SORCS3: variants seen among roughly 807,000 people sequenced by gnomAD.
SORCS3 encodes the protein VPS10 domain-containing receptor SorCS3.
SORCS3 carries 57 observed loss-of-function variants against 146.3 expected under a neutral mutation model. The ratio of observed to expected loss-of-function variants is 0.39; its 90% confidence interval spans 0.31 to 0.49. The LOEUF (loss-of-function observed/expected upper bound fraction) is 0.49, where lower values mean the gene tolerates loss of function less well. Ranked by LOEUF, SORCS3 falls within the 20% of genes least tolerant of loss-of-function variation. The pLI is 0.92. For missense variants in SORCS3, 1,341 were observed against 1,575.5 expected, an observed-to-expected ratio of 0.85 and a Z score of 2.52; for synonymous variants, 653 against 618.5, an observed-to-expected ratio of 1.06 and a Z score of -0.83.
At position 105,051,232 on chromosome 10, in the gene SORCS3, T is replaced by C. The variant is rs554187821; in HGVS notation, c.1028+8104T>C. ...GTGTTAATTTCATTGGTACAAATAC[T>C]TCACTAGAAGTACTAATATAAATCA... On this transcript the variant is annotated intron_variant, in intron 5 of 26. Coordinates refer to ENST00000369701, the MANE Select transcript of SORCS3 (RefSeq NM_014978.3). Among the ~76,000 whole-genome samples, 9 of 152,264 alleles carry C rather than the reference T, an allele frequency of 5.9e-5. No individual in the cohort carries two copies. The South Asian group carries it at 1.9e-3, about 32-fold the overall frequency.
At chr10:105,013,193 A>G (rs2133682401) in intron 4 of SORCS3, among the ~76,000 whole-genome samples, 1 of 152,314 alleles carries the variant, frequency 6.6e-6, no homozygotes, top group Admixed American at 6.5e-5. Flanking sequence ...CAAGAAAGCA[A>G]AACAAAGGAG....
At chr10:105,086,046 A>G (rs185930012) in intron 5 of SORCS3, among the ~76,000 whole-genome samples, 8 of 151,766 alleles carry the variant, frequency 5.3e-5, no homozygotes, top group South Asian at 2.1e-4. Context: ...TGATATTCCT[A>G]TCAGGCAAGG....
At chr10:104,965,423 T>G (rs2054821100) in intron 3 of SORCS3, among the ~76,000 whole-genome samples, 2 of 152,196 alleles carry the variant, frequency 1.3e-5, no homozygotes, top group South Asian at 4.1e-4. Flanking sequence ...CTTTCACTTT[T>G]GGGTATTACC....
At chr10:105,065,405 C>CAAA (rs10659911) in intron 5 of SORCS3, among the ~76,000 whole-genome samples, 3 of 149,266 alleles carry the variant, frequency 2.0e-5, no homozygotes, top group African/African-American at 7.3e-5. Flanking sequence ...ATTGCATTTA[C>CAAA]AAAAAAAAAA....
intron 3 of SORCS3, among the ~76,000 whole-genome samples, chr10:104,918,386 C>CA (rs148973421): frequency 2.9e-3 from 434 of 152,272 alleles, no homozygotes; most frequent in Non-Finnish European, 4.6e-3. Context: ...ATTGTCAGGC[C>CA]AGATGTATTT....
chr10:104,777,239 C>T (rs186533386), intron 1 of SORCS3, among the ~76,000 whole-genome samples: 3 of 152,236 alleles, frequency 2.0e-5, no homozygotes, highest in East Asian at 1.9e-4. Context: ...ATAAGGAAAC[C>T]GATACCCAGA....
chr10:104,827,058 C>T (rs199605672), intron 1 of SORCS3, among the ~76,000 whole-genome samples: 31 of 152,312 alleles, frequency 2.0e-4, no homozygotes, highest in East Asian at 1.9e-3. Flanking sequence ...CTTGCTATTT[C>T]GACCATATCT....
intron 2 of SORCS3, among the ~76,000 whole-genome samples, chr10:104,882,261 G>T (rs756352456): frequency 2.6e-5 from 4 of 152,182 alleles, no homozygotes; most frequent in Non-Finnish European, 2.9e-5. Flanking sequence ...GAAATGCCCA[G>T]ATTTATTGCA....
At chr10:105,019,044 T>A (rs2055184264) in intron 4 of SORCS3, among the ~76,000 whole-genome samples, 1 of 152,190 alleles carries the variant, frequency 6.6e-6, no homozygotes, top group Admixed American at 6.5e-5. Flanking sequence ...TTCCTTTTTA[T>A]TTTCATTGTT....
At chr10:104,941,212 T>C (rs1172216714) in intron 3 of SORCS3, among the ~76,000 whole-genome samples, 2 of 152,188 alleles carry the variant, frequency 1.3e-5, no homozygotes, top group Non-Finnish European at 2.9e-5. Flanking sequence ...TTGTGACCTG[T>C]ATCTTTGTGA....
intron 19 of SORCS3, among the ~76,000 whole-genome samples, chr10:105,222,640 C>T (rs2119669521): frequency 6.6e-6 from 1 of 152,184 alleles, no homozygotes; most frequent in African/African-American, 2.4e-5. Context: ...TGAATGACAC[C>T]CACTGTATAC....
intron 1 of SORCS3, among the ~76,000 whole-genome samples, chr10:104,702,214 A>G (rs1234745138): frequency 1.3e-5 from 2 of 152,174 alleles, no homozygotes. Flanking sequence ...CTGTGTTTTC[A>G]TATGGTTTCT....
rs113173733 is a variant in SORCS3, at chr10:104,883,979, G to GGA, written c.696-31853_696-31852insAG. Reference sequence around the variant, plus strand: ...ATCCACTGTTCTGCTGTGGAATGAGGGGGGGGAAAGGGTCCTACCCTATCT... The same window carrying GGA: ...ATCCACTGTTCTGCTGTGGAATGAGGGAGGGGGGAAAGGGTCCTACCCTATCT... On this transcript the variant is annotated intron_variant, in intron 2 of 26. Coordinates refer to ENST00000369701, the MANE Select transcript of SORCS3 (RefSeq NM_014978.3). Among the ~76,000 whole-genome samples the GGA allele has an allele frequency of 3.8e-3, 571 of 149,130 alleles. 4 individuals carry two copies. The highest frequency in any genetic ancestry group is 0.012 in the African/African-American group (475 of 38,872).
At chr10:105,067,050 C>G (rs1308155102) in intron 5 of SORCS3, among the ~76,000 whole-genome samples, 1 of 152,158 alleles carries the variant, frequency 6.6e-6, no homozygotes, top group African/African-American at 2.4e-5. Flanking sequence ...AGGGGTTTTG[C>G]TTCATCCGTT....
At chr10:104,738,868 C>A (rs2016808980) in intron 1 of SORCS3, among the ~76,000 whole-genome samples, 1 of 152,160 alleles carries the variant, frequency 6.6e-6, no homozygotes, top group Non-Finnish European at 1.5e-5. Context: ...AGATTCCCTG[C>A]CAATACCCAC....
chr10:104,922,927 G>A (rs1003972431), intron 3 of SORCS3, among the ~76,000 whole-genome samples: 2 of 152,184 alleles, frequency 1.3e-5, no homozygotes, highest in Non-Finnish European at 2.9e-5. Flanking sequence ...GGCTTACAAA[G>A]ATTTCCCTTT....
At chr10:105,091,237 C>G (rs1246361613) in intron 6 of SORCS3, among the ~76,000 whole-genome samples, 6 of 90,206 alleles carry the variant, frequency 6.7e-5, no homozygotes, top group African/African-American at 2.8e-4. Flanking sequence ...CCTTCCTTCC[C>G]TCCTTCCTTC....
In SORCS3 at chr10:105,228,859, A is replaced by G. The variant is rs573291319; in HGVS notation, c.2868+5610A>G. Among the ~76,000 whole-genome samples, 12 of 152,344 alleles carry G rather than the reference A, an allele frequency of 7.9e-5. No individual in the cohort carries two copies. In the South Asian group the frequency reaches 2.3e-3, roughly 29 times the overall value. On this transcript the variant is annotated intron_variant, in intron 20 of 26. Transcript: ENST00000369701. Reference sequence around the variant, plus strand: ...TTTTACTTTGCATCTTTTTGGAACTATCGGAGCCTTCTGAATCTGGATATC... The same window carrying G: ...TTTTACTTTGCATCTTTTTGGAACTGTCGGAGCCTTCTGAATCTGGATATC...
At chr10:105,246,539 G>A (rs534591431) in intron 21 of SORCS3, among the ~76,000 whole-genome samples, 59 of 152,106 alleles carry the variant, frequency 3.9e-4, no homozygotes, top group Non-Finnish European at 7.8e-4. Flanking sequence ...GTGATCCTCT[G>A]ATCAGATTAT....
Sources: allele counts gnomAD v4.1 joint callset (sites outside exome capture counted in the v4.1 genomes callset), GRCh38; gene constraint gnomAD v4.1.1; transcripts MANE v1.5; gene names NCBI Gene and HGNC (gene_info 2026-07-23, HGNC 2026-07-21).